The following COL4A5 variants were observed in gnomAD, a reference collection of about 807,000 sequenced individuals.
COL4A5 encodes collagen alpha-5(IV) chain.
A neutral mutation model predicts 130.2 loss-of-function variants in COL4A5; 26 were observed. The ratio of observed to expected loss-of-function variants is 0.20; its 90% CI spans 0.15 to 0.28. The LOEUF (loss-of-function observed/expected upper bound fraction) is 0.28, where lower values mean the gene tolerates loss of function less well. Among genes scored for constraint, COL4A5 ranks in the 10% least tolerant of loss-of-function variants. The probability of loss-of-function intolerance (pLI) is 1.00; values close to 1 mark genes in which losing one functional copy is unlikely to be tolerated. For synonymous variants in COL4A5, 496 were observed against 439.6 expected (o/e 1.13, Z -1.60); for missense variants, 1,131 against 1,344.3 (o/e 0.84, Z 2.48).
chrX:108,480,616 G>T (rs2064879696), intron 1 of COL4A5, among the ~76,000 whole-genome samples: 2 of 113,027 alleles, frequency 1.8e-5, no homozygotes, highest in African/African-American at 6.4e-5. Flanking sequence ...TGGGCCTCAT[G>T]CACAGGAATG....
chrX:108,657,572 G>A (rs1461706190), intron 37 of COL4A5, among the ~76,000 whole-genome samples: 1 of 111,516 alleles, frequency 9.0e-6, no homozygotes, highest in Non-Finnish European at 1.9e-5. Flanking sequence ...GTAAGGTAGA[G>A]GAGAATTGAT....
At chrX:108,642,285 A>G (rs2067483804) in intron 36 of COL4A5, among the ~76,000 whole-genome samples, 3 of 110,421 alleles carry the variant, frequency 2.7e-5, no homozygotes, top group African/African-American at 6.6e-5. Flanking sequence ...CCCCCACCTG[A>G]TGAGCCTTTC....
intron 2 of COL4A5, among the ~76,000 whole-genome samples, chrX:108,550,493 A>G (rs947003678): frequency 2.7e-5 from 3 of 112,085 alleles, no homozygotes; most frequent in African/African-American, 6.5e-5. Context: ...ATGACATTCA[A>G]TATCCATTTC....
At chrX:108,468,650 G>A (rs1232065812) in intron 1 of COL4A5, among the ~76,000 whole-genome samples, 2 of 109,184 alleles carry the variant, frequency 1.8e-5, no homozygotes, top group Admixed American at 9.8e-5. Flanking sequence ...CTATTAATGT[G>A]GCATATTGCA....
At chrX:108,691,382 T>TA in intron 49 of COL4A5, among the ~76,000 whole-genome samples, 1 of 111,518 alleles carries the variant, frequency 9.0e-6, no homozygotes, top group Non-Finnish European at 1.9e-5. Context: ...TTTGCACAAA[T>TA]AAAAAATTAA....
chrX:108,681,922 A>G, intron 47 of COL4A5, 34 bp downstream of exon 47: 1 of 1,157,030 alleles, frequency 8.6e-7, no homozygotes, highest in Non-Finnish European at 1.2e-6. Context: ...TATCATTATT[A>G]TACTTTTAAT....
At chrX:108,473,693 G>A (rs1192869598) in intron 1 of COL4A5, among the ~76,000 whole-genome samples, 21 of 92,699 alleles carry the variant, frequency 2.3e-4, no homozygotes, top group African/African-American at 7.2e-4. Flanking sequence ...GTGCAGTGGT[G>A]CAATCTCGGT....
chrX:108,658,540 A>G (rs928569213), intron 37 of COL4A5, among the ~76,000 whole-genome samples: 2 of 111,176 alleles, frequency 1.8e-5, no homozygotes, highest in African/African-American at 6.5e-5. Context: ...CTGGATCTGT[A>G]GTTTTCTTTG....
chrX:108,692,986 G>T, intron 50 of COL4A5, 61 bp downstream of exon 50: 1 of 1,139,366 alleles, frequency 8.8e-7, no homozygotes, highest in Non-Finnish European at 1.2e-6. Context: ...AGTCAGATTT[G>T]AGTCCAAAGC....
intron 9 of COL4A5, among the ~76,000 whole-genome samples, chrX:108,575,245 G>A (rs758978438): frequency 6.3e-5 from 7 of 111,318 alleles, no homozygotes; most frequent in Non-Finnish European, 1.3e-4. Flanking sequence ...ATTTCCCTCT[G>A]TCTTTAATCT....
At chrX:108,650,560 G>T (rs1218342384) in intron 36 of COL4A5, among the ~76,000 whole-genome samples, 1 of 111,377 alleles carries the variant, frequency 9.0e-6, no homozygotes, top group Non-Finnish European at 1.9e-5. Context: ...ATAAGCTGTG[G>T]TATATATACA....
chrX:108,500,157 T>A (rs1337227748), intron 1 of COL4A5, among the ~76,000 whole-genome samples: 1 of 112,143 alleles, frequency 8.9e-6, no homozygotes, highest in East Asian at 2.8e-4. Context: ...AAATGGATAA[T>A]TTCTTAAGCT....
At chrX:108,605,654 G>A (rs986608540) in intron 28 of COL4A5, among the ~76,000 whole-genome samples, 4 of 112,039 alleles carry the variant, frequency 3.6e-5, no homozygotes, top group African/African-American at 1.3e-4. Context: ...TTTGTAAAAA[G>A]TGCAGTGTCT....
chrX:108,477,646 T>G (rs1402789753), intron 1 of COL4A5, among the ~76,000 whole-genome samples: 1 of 108,728 alleles, frequency 9.2e-6, no homozygotes, highest in Non-Finnish European at 1.9e-5. Flanking sequence ...AAAAACCCTG[T>G]CTCTACTAAA....
At chrX:108,510,032 AT>A (rs1444960095) in intron 1 of COL4A5, among the ~76,000 whole-genome samples, 1 of 112,460 alleles carries the variant, frequency 8.9e-6, no homozygotes, top group African/African-American at 3.2e-5. Flanking sequence ...GGAGGTTATT[AT>A]CCTTAGCAAA....
At chrX:108,447,684 G>T (rs911309964) in intron 1 of COL4A5, among the ~76,000 whole-genome samples, 1 of 111,670 alleles carries the variant, frequency 9.0e-6, no homozygotes, top group African/African-American at 3.3e-5. Context: ...CTACTACAGT[G>T]ACTATGGAAT....
rs190098102 is a variant in COL4A5, at chrX:108,534,839, C to A, written c.82-4907C>A. ...TTATGCCATTGAATCTGTTTGGTTT[C>A]TTGAATCACAAATATCTGTAGATTT... On this transcript the variant is annotated intron_variant, in intron 1 of 52. Transcript: ENST00000328300. Among the ~76,000 whole-genome samples the A allele has an allele frequency of 1.3e-3, 143 of 110,860 alleles. 1 individual carries two copies. In the East Asian group the frequency reaches 0.036, roughly 28 times the overall value.
At chrX:108,666,353 T>C in intron 38 of COL4A5, 143 bp from the exon 39 acceptor site, 2 of 496,001 alleles carry the variant, frequency 4.0e-6, no homozygotes, top group Admixed American at 6.7e-5. Context: ...ATTATCCTCC[T>C]TCATATTTTT....
At chrX:108,616,086 T>C (rs2066921184) in intron 30 of COL4A5, among the ~76,000 whole-genome samples, 1 of 111,844 alleles carries the variant, frequency 8.9e-6, no homozygotes, top group African/African-American at 3.3e-5. Flanking sequence ...CTAAGAAAAC[T>C]TAGAGTGTTG....
Sources: gnomAD v4.1 joint callset for allele counts (sites outside exome capture counted in the v4.1 genomes callset) on GRCh38, gnomAD v4.1.1 for gene constraint, MANE v1.5 for transcripts, NCBI Gene and HGNC (gene_info 2026-07-23, HGNC 2026-07-21) for gene names.